Variants in PRKD2 observed in about 807,000 individuals in gnomAD.
PRKD2 encodes serine/threonine-protein kinase D2.
A neutral mutation model predicts 86.0 loss-of-function variants in PRKD2; 22 were observed. That is an observed-to-expected ratio of 0.26 (90% CI 0.18 to 0.37). PRKD2 has a LOEUF of 0.37. Ranked by LOEUF, PRKD2 falls within the 10% of genes least tolerant of loss-of-function variation. The probability of loss-of-function intolerance (pLI) is 1.00; values close to 1 mark genes in which losing one functional copy is unlikely to be tolerated. For synonymous variants in PRKD2, 509 were observed against 510.9 expected (o/e 1.00, Z 0.05); for missense variants, 818 against 1,199.2 (o/e 0.68, Z 4.70).
intron 15 of PRKD2, among the ~76,000 whole-genome samples, chr19:46,679,685 C>T (rs137882482): frequency 0.097 from 14,705 of 152,060 alleles, 877 homozygotes; most frequent in Non-Finnish European, 0.13. Flanking sequence ...AGTGCAGTAG[C>T]GTGATCTTGG....
At chr19:46,694,206 T>C (rs2053524963) in intron 9 of PRKD2, 73 bp from the exon 10 acceptor site, 3 of 1,562,232 alleles carry the variant, frequency 1.9e-6, no homozygotes, top group Admixed American at 1.8e-5. Flanking sequence ...CCCAGAAGGA[T>C]ACACGGGATC....
intron 10 of PRKD2, among the ~76,000 whole-genome samples, chr19:46,692,947 G>A (rs191177968): frequency 4.6e-5 from 7 of 152,284 alleles, no homozygotes; most frequent in Admixed American, 4.6e-4. Flanking sequence ...TTGCTTGTAT[G>A]GGTTAATGAT....
intron 4 of PRKD2, 30 bp from the exon 5 acceptor site, chr19:46,704,421 T>C: frequency 6.2e-7 from 1 of 1,613,802 alleles, no homozygotes; most frequent in Non-Finnish European, 8.5e-7. Context: ...AGGGGACACA[T>C]CAGTGCGTTG....
At chr19:46,697,305 T>A in intron 8 of PRKD2, 71 bp from the exon 9 acceptor site, 1 of 1,212,228 alleles carries the variant, frequency 8.2e-7, no homozygotes, top group Non-Finnish European at 1.2e-6. Flanking sequence ...GTGGAGCTGC[T>A]TGGGGCTCCA....
At position 46,678,577 on chromosome 19, in the gene PRKD2, T is replaced by C. The variant is rs761841448; in HGVS notation, c.2157A>G (p.Ala719=). ...RSVVGTPAYL[A]PEVLLNQGYN... is the part of the protein sequence containing the mutation. ...AGCCCTGGTTGAGCAGCACCTCGGG[T>C]GCCAGGTAGGCCGGCGTGCCCACCA... The change falls in exon 16 of 18, where the codon GCA becomes GCG. Residue 719 remains alanine (A), a synonymous_variant. Coordinates refer to ENST00000291281, the MANE Select transcript of PRKD2 (RefSeq NM_016457.5). This position sits in a 1 kb window ranked among gnomAD's most constrained non-coding sequence, Gnocchi z 5.7. 1 of 1,614,072 alleles carries C rather than the reference T, an allele frequency of 6.2e-7. No individual in the cohort carries two copies. Among genetic ancestry groups the C allele is most frequent in the Non-Finnish European group, 8.5e-7 (1 of 1,180,040 alleles).
intron 10 of PRKD2, among the ~76,000 whole-genome samples, chr19:46,692,516 G>A (rs1384553780): frequency 1.3e-5 from 2 of 149,228 alleles, no homozygotes; most frequent in Non-Finnish European, 3.0e-5. Context: ...CCCTTCCCTG[G>A]TCTCCTTGCC....
intron 9 of PRKD2, among the ~76,000 whole-genome samples, chr19:46,695,900 G>A (rs1243497366): frequency 2.0e-5 from 3 of 152,000 alleles, no homozygotes; most frequent in African/African-American, 4.8e-5. Flanking sequence ...GTGCAGTGAC[G>A]CGATCTCAGC....
Position 46,678,119 on chromosome 19 carries a change from G to A in PRKD2, c.2338+277C>T, listed in dbSNP as rs968895560. Among the ~76,000 whole-genome samples the A allele has an allele frequency of 6.6e-6, 1 of 152,144 alleles. No individual in the cohort carries two copies. Among genetic ancestry groups the A allele is most frequent in the Non-Finnish European group, 1.5e-5 (1 of 68,030 alleles). On this transcript the variant is annotated intron_variant, in intron 16 of 17. Coordinates refer to ENST00000291281, the MANE Select transcript of PRKD2 (RefSeq NM_016457.5). The surrounding 1 kb of genome is among the most constrained non-coding windows in gnomAD (Gnocchi z 5.7). The stretch of plus-strand genomic sequence containing the variant: ...CCTGGTCCCACCCTAGACAAGCCAA[G>A]TCTCACTCAGCCCCCCTAAGGTTCC...
At position 46,704,285 on chromosome 19, in the gene PRKD2, A is replaced by G; in HGVS notation, c.773T>C (p.Leu258Pro). 1 of 1,614,144 alleles carries G rather than the reference A, an allele frequency of 6.2e-7. No individual in the cohort carries two copies. Among genetic ancestry groups the G allele is most frequent in the Non-Finnish European group, 8.5e-7 (1 of 1,180,030 alleles). The change falls in exon 5 of 18, where the codon CTC (leucine) becomes CCC (proline). Residue 258 changes from leucine to proline, a missense_variant. Physicochemically the swap from Leu to Pro is moderately conservative, Grantham distance 98. Around this residue, in one of 5 missense-constraint regions of PRKD2, gnomAD observed 403 missense variants for 518.6 expected, o/e 0.78. Transcript: ENST00000291281. ...GGTGTGCGGCACCTTGACCTTGGAG[A>G]GCAGCATCTTGTCCAGCTCAATGGG... ...GRPIELDKMLLSKVKVPHTFL... is the reference protein window; with the variant it reads ...GRPIELDKMLPSKVKVPHTFL...
Position 46,674,399 on chromosome 19 carries a change from C to G in PRKD2, c.*124G>C, listed in dbSNP as rs1784658539. The G allele has an allele frequency of 3.8e-6, 4 of 1,059,718 alleles. No individual in the cohort carries two copies. Among genetic ancestry groups the G allele is most frequent in the South Asian group, 3.3e-5 (2 of 60,032 alleles). The allele number at this position is 1,059,718 out of a possible 1,614,324, so 65.6% of individuals were successfully genotyped here. ...GGAGGGGCCTTGGAAATAGCTCCCC[C>G]CACCCCACTCCCCACGTGTCCCATC... On this transcript the variant is annotated 3_prime_UTR_variant, in exon 18 of 18. Coordinates refer to ENST00000291281, the MANE Select transcript of PRKD2 (RefSeq NM_016457.5).
intron 5 of PRKD2, among the ~76,000 whole-genome samples, chr19:46,702,212 G>A (rs1351056736): frequency 2.0e-5 from 3 of 151,350 alleles, no homozygotes; most frequent in South Asian, 2.1e-4. Context: ...CTAATTTTTC[G>A]TATTTTTTGT....
intron 7 of PRKD2, among the ~76,000 whole-genome samples, chr19:46,700,546 C>T (rs1214249073): frequency 2.6e-5 from 4 of 152,032 alleles, no homozygotes; most frequent in Non-Finnish European, 4.4e-5. Context: ...GTGGCAGGAT[C>T]GCTTGAGCCC....
At chr19:46,684,111 CTGAT>C (rs1242973225) in intron 14 of PRKD2, among the ~76,000 whole-genome samples, 1 of 152,056 alleles carries the variant, frequency 6.6e-6, no homozygotes, top group African/African-American at 2.4e-5. Flanking sequence ...TGTGTTTATT[CTGAT>C]TGTTTTCTTT....
rs1388854987 is a variant in PRKD2, at chr19:46,704,438, T to G, written c.667-47A>C. Reference sequence around the variant, plus strand: ...GGGACACATCAGTGCGTTGGCCCCATGCCTGGGCCAAGTCACCCCCCTAGC... The same window carrying G: ...GGGACACATCAGTGCGTTGGCCCCAGGCCTGGGCCAAGTCACCCCCCTAGC... On this transcript the variant is annotated intron_variant, in intron 4 of 17. Transcript: ENST00000291281. The G allele has an allele frequency of 2.5e-6, 4 of 1,613,782 alleles. No homozygotes were observed. The African/African-American group carries it at 5.3e-5, about 22-fold the overall frequency.
In PRKD2 at chr19:46,678,272, G is replaced by T; in HGVS notation, c.2338+124C>A. 1 of 1,426,466 alleles carries T rather than the reference G, an allele frequency of 7.0e-7. No homozygotes were observed. Among genetic ancestry groups the T allele is most frequent in the Non-Finnish European group, 9.4e-7 (1 of 1,064,456 alleles). 88.4% of individuals were successfully genotyped at this position (1,426,466 alleles called of 1,614,324 possible). On this transcript the variant is annotated intron_variant, in intron 16 of 17. Transcript: ENST00000291281. The surrounding 1 kb of genome is among the most constrained non-coding windows in gnomAD (Gnocchi z 5.7). ...ACATCCCTCCAGTAGGCCCGCCCCA[G>T]CACTGGGCTCCACCCCCAAGGTGCC...
rs149621380 is a variant in PRKD2, at chr19:46,695,116, G to C, written c.1318-983C>G. Reference sequence around the variant, plus strand: ...TACTGTGGAGGTGGGAGAATCATTTGAGCCAGGGAGGCAGAGGTTACAGTG... The same window carrying C: ...TACTGTGGAGGTGGGAGAATCATTTCAGCCAGGGAGGCAGAGGTTACAGTG... On this transcript the variant is annotated intron_variant, in intron 9 of 17. Coordinates refer to ENST00000291281, the MANE Select transcript of PRKD2 (RefSeq NM_016457.5). 2.8e-3 allele frequency among the ~76,000 whole-genome samples: 427 copies of C among 152,142 alleles called. 1 individual carries two copies. Among genetic ancestry groups the C allele is most frequent in the African/African-American group, 9.0e-3 (375 of 41,506 alleles).
intron 3 of PRKD2, among the ~76,000 whole-genome samples, chr19:46,708,518 T>C (rs1406118798): frequency 6.6e-6 from 1 of 151,904 alleles, no homozygotes; most frequent in Admixed American, 6.6e-5. Context: ...GGTTTCACCA[T>C]GTTGCCCATG....
Position 46,674,685 on chromosome 19 carries a change from C to T in PRKD2, c.2475G>A (p.Glu825=). 6.2e-7 allele frequency: 1 copy of T among 1,606,292 alleles called. No individual in the cohort carries two copies. Among genetic ancestry groups the T allele is most frequent in the Non-Finnish European group, 8.5e-7 (1 of 1,179,976 alleles). The change falls in exon 18 of 18, where the codon GAG becomes GAA. Residue 825 remains glutamate (E), a synonymous_variant. Transcript: ENST00000291281. ...DLRELEGKMG[E]RYITHESDDA... ...CGTCACTCTCATGCGTGATGTATCG[C>T]TCTCCCATCTTCCCCTCCAGCTCTC...
chr19:46,686,511 C>T (rs958770382), intron 14 of PRKD2, among the ~76,000 whole-genome samples: 4 of 148,398 alleles, frequency 2.7e-5, no homozygotes, highest in Non-Finnish European at 4.5e-5. Context: ...ATTAGCTGGA[C>T]GTGGTGGCTC....
Sources: gnomAD v4.1 joint callset for allele counts (sites outside exome capture counted in the v4.1 genomes callset) on GRCh38, gnomAD v4.1.1 for gene constraint, gnomAD v4.1.1 regional missense constraint, Gnocchi (gnomAD v3.1) non-coding constraint, MANE v1.5 for transcripts, NCBI Gene and HGNC (gene_info 2026-07-23, HGNC 2026-07-21) for gene names.